Variants in ARHGEF10 observed in about 807,000 individuals in gnomAD.
The protein encoded by ARHGEF10 is Rho guanine nucleotide exchange factor 10.
ARHGEF10 carries 140 observed loss-of-function variants against 147.4 expected under a neutral mutation model. The ratio of observed to expected loss-of-function variants is 0.95; its 90% CI spans 0.83 to 1.09. The LOEUF is 1.09. ARHGEF10 is among the 50% of genes least tolerant of loss of function. The pLI is 0.00. For synonymous variants in ARHGEF10, 902 were observed against 695.8 expected, an observed-to-expected ratio of 1.30 and a Z score of -4.67; for missense variants, 2,222 against 1,752.7, an observed-to-expected ratio of 1.27 and a Z score of -4.78.
At chr8:1,903,223 G>A (rs1328184070) in intron 15 of ARHGEF10, 58 bp from the exon 16 acceptor site, 2 of 1,600,028 alleles carry the variant, frequency 1.2e-6, no homozygotes, top group East Asian at 2.2e-5. Flanking sequence ...TGACGCGACT[G>A]TTGTTGCACT....
chr8:1,876,954 C>G (rs559375795), intron 8 of ARHGEF10, among the ~76,000 whole-genome samples: 1 of 152,190 alleles, frequency 6.6e-6, no homozygotes. Context: ...CTTCTATAAT[C>G]CACTTAAAAG....
chr8:1,833,646 C>G (rs1204067724), intron 1 of ARHGEF10, among the ~76,000 whole-genome samples: 1 of 152,230 alleles, frequency 6.6e-6, no homozygotes, highest in Non-Finnish European at 1.5e-5. Context: ...GGTCAGCCCC[C>G]TTTCCATGCC....
intron 18 of ARHGEF10, among the ~76,000 whole-genome samples, chr8:1,912,620 G>A (rs1195601495): frequency 1.6e-5 from 2 of 123,364 alleles, no homozygotes; most frequent in African/African-American, 3.1e-5. Context: ...TGTGGTGTTC[G>A]ACATCCGGAG....
In ARHGEF10 at chr8:1,909,311, C is replaced by T. The variant is rs149060376; in HGVS notation, c.1984C>T (p.Arg662Cys). 23 of 1,614,060 alleles carry T rather than the reference C, an allele frequency of 1.4e-5. No individual in the cohort carries two copies. The highest frequency in any genetic ancestry group is 2.2e-5 in the South Asian group (2 of 91,084). Reference sequence around the variant, plus strand: ...TCGTTTCAGCCCCTCTCATGACAGCCGTGTGATGAGCAGCCAGAGGTACTT... The same window carrying T: ...TCGTTTCAGCCCCTCTCATGACAGCTGTGTGATGAGCAGCCAGAGGTACTT... ...TVSSRPSHDS[R>C]VMSSQRYLLK... The change falls in exon 18 of 29, where the codon CGT becomes TGT. Residue 662 changes from arginine to cysteine, a missense_variant. By Grantham distance (180) the Arg-to-Cys change is radical. Transcript: ENST00000349830.
intron 18 of ARHGEF10, among the ~76,000 whole-genome samples, chr8:1,910,078 C>T (rs1203021304): frequency 1.3e-5 from 2 of 151,982 alleles, no homozygotes; most frequent in African/African-American, 4.8e-5. Context: ...AAAATCATTA[C>T]CTTCTCTTCA....
chr8:1,845,868 C>G (rs1246351695), intron 2 of ARHGEF10, among the ~76,000 whole-genome samples: 1 of 152,198 alleles, frequency 6.6e-6, no homozygotes, highest in Non-Finnish European at 1.5e-5. Flanking sequence ...GGAGGCAGGA[C>G]TGGGGGTGCC....
intron 15 of ARHGEF10, 137 bp from the exon 16 acceptor site, chr8:1,903,144 C>G: frequency 8.7e-7 from 1 of 1,145,230 alleles, no homozygotes; most frequent in South Asian, 1.2e-5. Context: ...CATCCCTTCC[C>G]AAGAACTGAC....
intron 14 of ARHGEF10, among the ~76,000 whole-genome samples, chr8:1,896,814 G>C (rs1377392617): frequency 7.2e-5 from 11 of 152,204 alleles, no homozygotes; most frequent in Admixed American, 7.2e-4. Context: ...ATCGGGGAGA[G>C]GCACCGGCCT....
chr8:1,882,089 C>T (rs1339682549), intron 9 of ARHGEF10, among the ~76,000 whole-genome samples: 1 of 152,154 alleles, frequency 6.6e-6, no homozygotes, highest in African/African-American at 2.4e-5. Context: ...GCGTGCTGCA[C>T]CCCGACCCTC....
chr8:1,892,642 T>C (rs1024890196), intron 11 of ARHGEF10, among the ~76,000 whole-genome samples: 13 of 151,920 alleles, frequency 8.6e-5, no homozygotes, highest in Admixed American at 5.2e-4. Context: ...TGTGTGCATG[T>C]GTGTGTGTGG....
chr8:1,942,751 G>A lies in ARHGEF10; in HGVS notation c.3223-2730G>A, dbSNP rs1814210584. ...CCTTCATACATGAGGATTGGTTTCA[G>A]CCATAGAAAGGAGTGAAGCCCCAAC... On this transcript the variant is annotated intron_variant, in intron 26 of 28. Transcript: ENST00000349830. Among the ~76,000 whole-genome samples the A allele has an allele frequency of 2.0e-5, 3 of 152,320 alleles. No individual in the cohort carries two copies. The Middle Eastern group carries it at 0.01, about 518-fold the overall frequency.
intron 23 of ARHGEF10, chr8:1,927,371 G>C (rs1437302621): frequency 6.6e-6 from 1 of 152,066 alleles, no homozygotes; most frequent in Admixed American, 6.6e-5. Flanking sequence ...TGTATGTAGC[G>C]ACAACAAATA....
At chr8:1,918,504 GTT>G (rs1811935346) in intron 18 of ARHGEF10, among the ~76,000 whole-genome samples, 1 of 131,474 alleles carries the variant, frequency 7.6e-6, no homozygotes, top group Admixed American at 7.9e-5. Flanking sequence ...GTGTGTGTGT[GTT>G]ATTTTAAAAA....
intron 11 of ARHGEF10, among the ~76,000 whole-genome samples, chr8:1,888,610 G>C (rs1204053954): frequency 7.1e-6 from 1 of 140,486 alleles, no homozygotes; most frequent in Non-Finnish European, 1.5e-5. Flanking sequence ...ACTGAGTGTG[G>C]TGAGGTTTGT....
At chr8:1,939,612 G>C (rs1813915368) in intron 26 of ARHGEF10, among the ~76,000 whole-genome samples, 1 of 152,256 alleles carries the variant, frequency 6.6e-6, no homozygotes, top group Admixed American at 6.5e-5. Flanking sequence ...CAGCTGCCTA[G>C]GGATGGTGCC....
intron 18 of ARHGEF10, among the ~76,000 whole-genome samples, chr8:1,919,137 CCA>C (rs1811998862): frequency 4.1e-5 from 6 of 144,830 alleles, no homozygotes; most frequent in African/African-American, 1.6e-4. Flanking sequence ...TGGAGCTGTT[CCA>C]TGGGTGATGG....
intron 1 of ARHGEF10, among the ~76,000 whole-genome samples, chr8:1,838,265 C>T (rs1803711665): frequency 6.6e-6 from 1 of 152,236 alleles, no homozygotes; most frequent in South Asian, 2.1e-4. Context: ...GGAAAGATGA[C>T]ATCAACCTAA....
chr8:1,951,343 C>T (rs57341623), intron 27 of ARHGEF10, among the ~76,000 whole-genome samples: 1,919 of 152,370 alleles, frequency 0.013, 44 homozygotes, highest in African/African-American at 0.044. Flanking sequence ...CACCGGCTTA[C>T]GTACAGGACA....
At position 1,860,123 on chromosome 8, in the gene ARHGEF10, C is replaced by T. The variant is rs747476397; in HGVS notation, c.420C>T (p.Pro140=). ...GCTATGCGGTGCCCTCCAACCTGCC[C>T]CTCCTGCTGCCCGCCTACTCCAGCC... The part of the protein sequence containing the change: ...PCGYAVPSNL[P]LLLPAYSSPV... The change falls in exon 4 of 29, where the codon CCC becomes CCT. Residue 140 remains proline (P), a synonymous_variant. Transcript: ENST00000349830. 52 of 1,614,052 alleles carry T rather than the reference C, an allele frequency of 3.2e-5. No individual in the cohort carries two copies. The highest frequency in any genetic ancestry group is 4.1e-5 in the Non-Finnish European group (48 of 1,180,000).
Sources: allele counts gnomAD v4.1 joint callset (sites outside exome capture counted in the v4.1 genomes callset), GRCh38; gene constraint gnomAD v4.1.1; transcripts MANE v1.5; gene names NCBI Gene and HGNC (gene_info 2026-07-23, HGNC 2026-07-21).